NRXN3: variants seen among roughly 807,000 people sequenced by gnomAD.
The protein encoded by NRXN3 is neurexin III.
A neutral mutation model predicts 137.6 loss-of-function variants in NRXN3; 32 were observed. The observed-to-expected ratio is 0.23, with a 90% CI of 0.18 to 0.31. The LOEUF is 0.31. Ranked by LOEUF, NRXN3 falls within the 10% of genes least tolerant of loss-of-function variation. The pLI is 1.00. For synonymous variants in NRXN3, 798 were observed against 784.5 expected, an observed-to-expected ratio of 1.02 and a Z score of -0.29; for missense variants, 1,574 against 2,062.5, an observed-to-expected ratio of 0.76 and a Z score of 4.59.
chr14:78,926,770 ATT>A (rs2099297171), intron 10 of NRXN3, among the ~76,000 whole-genome samples: 3 of 44,882 alleles, frequency 6.7e-5, no homozygotes, highest in South Asian at 1.1e-3. Context: ...TATTATATAT[ATT>A]ATATATATAA....
chr14:79,282,425 A>G (rs1209420417), intron 15 of NRXN3, among the ~76,000 whole-genome samples: 2 of 152,170 alleles, frequency 1.3e-5, no homozygotes, highest in Non-Finnish European at 2.9e-5. Context: ...GTAAACAGTT[A>G]CAGCAGATAC....
intron 1 of NRXN3, among the ~76,000 whole-genome samples, chr14:78,226,913 G>C (rs1391271612): frequency 6.6e-6 from 1 of 152,214 alleles, no homozygotes; most frequent in Non-Finnish European, 1.5e-5. Context: ...ATAACTCACT[G>C]TGACAGGGCA....
chr14:78,697,488 C>T (rs937205949), intron 6 of NRXN3, among the ~76,000 whole-genome samples: 2 of 151,934 alleles, frequency 1.3e-5, no homozygotes, highest in East Asian at 3.9e-4. Context: ...GAAAATCTAT[C>T]TTTAAATGTG....
At chr14:78,913,274 C>CTTTCTTTTTTTTTTT (rs1225280841) in intron 10 of NRXN3, among the ~76,000 whole-genome samples, 6 of 47,858 alleles carry the variant, frequency 1.3e-4, no homozygotes, top group East Asian at 7.8e-4. Flanking sequence ...TTCTTTCTTT[C>CTTTCTTTTTTTTTTT]TTTTTTTTTT....
At chr14:79,217,090 T>G (rs138054211) in intron 15 of NRXN3, among the ~76,000 whole-genome samples, 4,250 of 151,676 alleles carry the variant, frequency 0.028, 142 homozygotes, top group East Asian at 0.096. Context: ...TGAGCTGAGA[T>G]CACACCACTG....
At chr14:79,672,947 T>C (rs2098618113) in intron 17 of NRXN3, among the ~76,000 whole-genome samples, 1 of 152,048 alleles carries the variant, frequency 6.6e-6, no homozygotes, top group South Asian at 2.1e-4. Context: ...TACATAAATA[T>C]CCAATAATAA....
chr14:79,237,243 T>TA (rs1385672660), intron 15 of NRXN3, among the ~76,000 whole-genome samples: 3 of 152,206 alleles, frequency 2.0e-5, no homozygotes, highest in Non-Finnish European at 4.4e-5. Flanking sequence ...CACATGTTTT[T>TA]AAAAAAGGAT....
At chr14:79,631,197 G>A (rs2098341109) in intron 16 of NRXN3, among the ~76,000 whole-genome samples, 2 of 152,250 alleles carry the variant, frequency 1.3e-5, no homozygotes, top group South Asian at 4.1e-4. Flanking sequence ...AGAGGAGACA[G>A]ATCATACTTT....
At chr14:78,763,497 A>G (rs1404368396) in intron 8 of NRXN3, among the ~76,000 whole-genome samples, 3 of 151,406 alleles carry the variant, frequency 2.0e-5, no homozygotes, top group African/African-American at 7.3e-5. Flanking sequence ...ATTCTAATTT[A>G]TTTTATAAAT....
In NRXN3 at chr14:78,966,258, A is replaced by T. The variant is rs775022761; in HGVS notation, c.2629A>T (p.Thr877Ser). 3 of 1,614,154 alleles carry T rather than the reference A, an allele frequency of 1.9e-6. No individual in the cohort carries two copies. The highest frequency in any genetic ancestry group is 2.5e-6 in the Non-Finnish European group (3 of 1,180,016). ...NIIADPVTFK[T>S]KSSYLSLATL... ...CATCGCTGACCCTGTCACCTTTAAGACCAAGAGCAGCTACCTGAGCCTTGC... is the reference window on the plus strand; with the variant it reads ...CATCGCTGACCCTGTCACCTTTAAGTCCAAGAGCAGCTACCTGAGCCTTGC... The change falls in exon 12 of 21, where the codon ACC (threonine) becomes TCC (serine). Residue 877 changes from threonine (T) to serine (S), a missense_variant. Around this residue, in one of 5 missense-constraint regions of NRXN3, gnomAD observed 718 missense variants for 887.6 expected, o/e 0.81. Coordinates refer to ENST00000335750, the MANE Select transcript of NRXN3 (RefSeq NM_001330195.2).
chr14:79,398,763 A>T (rs985341936), intron 15 of NRXN3, among the ~76,000 whole-genome samples: 1 of 152,074 alleles, frequency 6.6e-6, no homozygotes, highest in African/African-American at 2.4e-5. Flanking sequence ...TAATCCCAGC[A>T]CTTTGGAAGG....
chr14:79,485,915 G>A (rs778973545), intron 16 of NRXN3, among the ~76,000 whole-genome samples: 2 of 152,074 alleles, frequency 1.3e-5, no homozygotes, highest in Non-Finnish European at 2.9e-5. Flanking sequence ...ATGCTTGAAC[G>A]TGTCCTTTAG....
At chr14:78,559,004 T>C (rs1205168459) in intron 4 of NRXN3, among the ~76,000 whole-genome samples, 1 of 152,228 alleles carries the variant, frequency 6.6e-6, no homozygotes, top group East Asian at 1.9e-4. Flanking sequence ...CATTTTGCCC[T>C]AGTGAAACAA....
rs75426127 is a variant in NRXN3 at position 79,698,850 on chromosome 14, T to C, written c.4014+913T>C. 0.011 allele frequency among the ~76,000 whole-genome samples: 1,685 copies of C among 152,148 alleles called. 135 individuals are homozygous for C. In the East Asian group the frequency reaches 0.21, roughly 19 times the overall value. Reference sequence around the variant, plus strand: ...TTTAAGACATTATCCAGGAGCTCAGTTGTGTCTTTAACATCACCTTTACAC... The same window carrying C: ...TTTAAGACATTATCCAGGAGCTCAGCTGTGTCTTTAACATCACCTTTACAC... On this transcript the variant is annotated intron_variant, in intron 19 of 20. Transcript: ENST00000335750.
intron 16 of NRXN3, among the ~76,000 whole-genome samples, chr14:79,617,917 CA>C (rs1162153685): frequency 0.042 from 3,835 of 91,240 alleles, 146 homozygotes; most frequent in Middle Eastern, 0.067. Flanking sequence ...TGAATAGCAG[CA>C]AAAAAAAAAA....
At chr14:78,913,829 T>TC (rs1161925410) in intron 10 of NRXN3, among the ~76,000 whole-genome samples, 1 of 152,124 alleles carries the variant, frequency 6.6e-6, no homozygotes, top group African/African-American at 2.4e-5. Flanking sequence ...GCTCTGGCTT[T>TC]CCCCACACTT....
At chr14:78,875,210 A>G (rs990877456) in intron 10 of NRXN3, among the ~76,000 whole-genome samples, 7 of 152,188 alleles carry the variant, frequency 4.6e-5, no homozygotes, top group Admixed American at 6.5e-5. Context: ...AACTGGCAAA[A>G]CAACTAGGTC....
At chr14:79,387,013 A>G (rs537730247) in intron 15 of NRXN3, among the ~76,000 whole-genome samples, 1 of 152,314 alleles carries the variant, frequency 6.6e-6, no homozygotes, top group African/African-American at 2.4e-5. Flanking sequence ...AAGAAAACCT[A>G]GGCAATACCA....
intron 16 of NRXN3, among the ~76,000 whole-genome samples, chr14:79,622,857 A>G (rs949037383): frequency 6.6e-6 from 1 of 152,160 alleles, no homozygotes; most frequent in Admixed American, 6.5e-5. Context: ...CGGCCTCCCA[A>G]AGTGCTGGGA....
Sources: allele counts gnomAD v4.1 joint callset (sites outside exome capture counted in the v4.1 genomes callset), GRCh38; gene constraint gnomAD v4.1.1; regional missense constraint gnomAD v4.1.1; transcripts MANE v1.5; gene names NCBI Gene and HGNC (gene_info 2026-07-23, HGNC 2026-07-21).